The following TIAM2 variants were observed in gnomAD, a reference collection of about 807,000 sequenced individuals.
TIAM2 encodes the protein rho guanine nucleotide exchange factor TIAM2.
TIAM2 carries 80 observed loss-of-function variants against 152.9 expected under a neutral mutation model. That is an observed-to-expected ratio of 0.52 (90% CI 0.44 to 0.63). The LOEUF is 0.63. TIAM2 is among the 30% of genes least tolerant of loss of function. The pLI is 0.00. For missense variants in TIAM2, 1,965 were observed against 2,120.1 expected (o/e 0.93, Z 1.44); for synonymous variants, 804 against 838.0 (o/e 0.96, Z 0.70).
intron 1 of TIAM2, among the ~76,000 whole-genome samples, chr6:155,086,419 G>C (rs529145332): frequency 6.6e-6 from 1 of 152,206 alleles, no homozygotes; most frequent in South Asian, 2.1e-4. Context: ...AAAATGACCT[G>C]TAGTTGGCCG....
chr6:155,211,334 C>G (rs1447278291), intron 15 of TIAM2, 27 bp downstream of exon 15: 4 of 1,597,768 alleles, frequency 2.5e-6, no homozygotes, highest in Non-Finnish European at 3.4e-6. Context: ...AATCGCAAAC[C>G]AAGAACCAGG....
At position 155,213,432 on chromosome 6, in the gene TIAM2, A is replaced by G. The variant is rs1017894085; in HGVS notation, c.3168+2125A>G. Among the ~76,000 whole-genome samples, 1 of 152,138 alleles carries G rather than the reference A, an allele frequency of 6.6e-6. No homozygotes were observed. The highest frequency in any genetic ancestry group is 2.4e-5 in the African/African-American group (1 of 41,432). On this transcript the variant is annotated intron_variant, in intron 15 of 26. Coordinates refer to ENST00000682666, the MANE Select transcript of TIAM2 (RefSeq NM_012454.4). The surrounding 1 kb of genome is among the most constrained non-coding windows in gnomAD (Gnocchi z 4.2). Reference sequence around the variant, plus strand: ...GCTTTAAGCAGAGAGGAGACCCTGGAGTAGCTCCTCTCCTCAGCTGGTTGT... The same window carrying G: ...GCTTTAAGCAGAGAGGAGACCCTGGGGTAGCTCCTCTCCTCAGCTGGTTGT...
intron 4 of TIAM2, among the ~76,000 whole-genome samples, chr6:155,134,857 C>T (rs558497750): frequency 3.3e-5 from 5 of 152,052 alleles, no homozygotes; most frequent in Non-Finnish European, 5.9e-5. Flanking sequence ...AGGCATGTGC[C>T]GCCGCACCTG....
intron 14 of TIAM2, among the ~76,000 whole-genome samples, chr6:155,189,452 G>A (rs1781135696): frequency 6.6e-6 from 1 of 152,166 alleles, no homozygotes. Flanking sequence ...TGTCTGTGCT[G>A]AAGATCGGTT....
intron 14 of TIAM2, among the ~76,000 whole-genome samples, chr6:155,208,046 G>A (rs879315385): frequency 5.9e-5 from 9 of 152,068 alleles, no homozygotes; most frequent in South Asian, 2.1e-4. Flanking sequence ...TTCTTGGTGG[G>A]ACTCAAGGTC....
rs73795313 is a variant in TIAM2, at chr6:155,156,745, C to A, written c.2029-7670C>A. Among the ~76,000 whole-genome samples the A allele has an allele frequency of 0.044, 6,649 of 152,290 alleles. 207 individuals carry two copies. Among genetic ancestry groups the A allele is most frequent in the African/African-American group, 0.087 (3,609 of 41,542 alleles). On this transcript the variant is annotated intron_variant, in intron 7 of 26. Transcript: ENST00000682666. The surrounding 1 kb of genome is among the most constrained non-coding windows in gnomAD (Gnocchi z 4.4). Reference sequence around the variant, plus strand: ...TAAAGTCCCTGATAACCTCTCCCCACCTTGACCTTTATCTGCAACTCCCTG... The same window carrying A: ...TAAAGTCCCTGATAACCTCTCCCCAACTTGACCTTTATCTGCAACTCCCTG...
At chr6:155,170,096 C>T (rs1036014549) in intron 9 of TIAM2, among the ~76,000 whole-genome samples, 2 of 152,126 alleles carry the variant, frequency 1.3e-5, no homozygotes, top group Non-Finnish European at 2.9e-5. Flanking sequence ...AGATTACAGG[C>T]GTGAGCCACT....
chr6:155,029,490 G>GTATATATAATATATAC (rs1776765207), intron 1 of TIAM2, among the ~76,000 whole-genome samples: 1 of 31,180 alleles, frequency 3.2e-5, no homozygotes, highest in Non-Finnish European at 5.7e-5. Context: ...ATATACTATA[G>GTATATATAATATATAC]TATATATTAT....
chr6:155,015,944 CAAAAAAAA>C (rs3081689), intron 1 of TIAM2, among the ~76,000 whole-genome samples: 1 of 61,762 alleles, frequency 1.6e-5, no homozygotes, highest in Non-Finnish European at 3.7e-5. Flanking sequence ...TTCAAAAAAC[CAAAAAAAA>C]AAAAAAAAAA....
At chr6:155,017,693 C>T (rs1157992627) in intron 1 of TIAM2, among the ~76,000 whole-genome samples, 10 of 151,774 alleles carry the variant, frequency 6.6e-5, no homozygotes, top group African/African-American at 1.9e-4. Context: ...TTTGTAGAAA[C>T]GGGGTTTCAC....
At chr6:155,110,000 A>G (rs1778797808) in intron 2 of TIAM2, among the ~76,000 whole-genome samples, 1 of 145,546 alleles carries the variant, frequency 6.9e-6, no homozygotes, top group Non-Finnish European at 1.5e-5. Context: ...CCCAGGCTGG[A>G]GTGCAGTGGT....
rs1214098051 is a variant in TIAM2, at chr6:155,256,863, T to C, written c.4848T>C (p.Gly1616=). The C allele has an allele frequency of 6.2e-7, 1 of 1,614,010 alleles. No individual in the cohort carries two copies. The highest frequency in any genetic ancestry group is 8.5e-7 in the Non-Finnish European group (1 of 1,180,004). Residue 1616 remains glycine, a synonymous_variant, in exon 27 of 27, where the codon GGT becomes GGC. Coordinates refer to ENST00000682666, the MANE Select transcript of TIAM2 (RefSeq NM_012454.4). ...AGCAGCAGCCTGGCCCGGAGTCGGG[T>C]GAGGGTCAGAAAGGAGGAGAGCAGC... ...EAEQQPGPES[G]EGQKGGEQPK...
intron 1 of TIAM2, among the ~76,000 whole-genome samples, chr6:155,024,917 A>G (rs934062717): frequency 3.9e-5 from 6 of 152,242 alleles, no homozygotes; most frequent in African/African-American, 1.4e-4. Flanking sequence ...GAAGGGAGAA[A>G]TCCAGAAAAC....
intron 2 of TIAM2, among the ~76,000 whole-genome samples, chr6:155,098,757 A>G (rs1353837019): frequency 2.0e-5 from 3 of 152,252 alleles, no homozygotes; most frequent in Non-Finnish European, 4.4e-5. Flanking sequence ...AATGGAAAAG[A>G]ACAACTTTTA....
At position 154,995,546 on chromosome 6, in the gene TIAM2, G is replaced by C. The variant is rs1778197707; in HGVS notation, c.-209+54G>C. 1 of 151,280 alleles carries C rather than the reference G, an allele frequency of 6.6e-6. No homozygotes were observed. Among genetic ancestry groups the C allele is most frequent in the African/African-American group, 2.4e-5 (1 of 41,246 alleles). 9.4% of individuals were successfully genotyped at this position (151,280 alleles called of 1,614,324 possible). On this transcript the variant is annotated intron_variant, in intron 1 of 26. Transcript: ENST00000682666. This position sits in a 1 kb window ranked among gnomAD's most constrained non-coding sequence, Gnocchi z 5.2. ...AGGGCGACGACCCGCGCTGGTTGGC[G>C]GCGGCTCCAGGTCCCCTGCGGGCGG...
rs1777257225 is a variant in TIAM2, at chr6:155,048,677, G to A, written c.-208-41612G>A. On this transcript the variant is annotated intron_variant, in intron 1 of 26. Transcript: ENST00000682666. ...ACTCGGGAGGCCGCATTAGGACTGT[G>A]GGAGAATTTGGTTTGAAATATTCCA... Among the ~76,000 whole-genome samples, 3 of 152,160 alleles carry A rather than the reference G, an allele frequency of 2.0e-5. No individual in the cohort carries two copies. In the South Asian group the frequency reaches 6.2e-4, roughly 32 times the overall value.
chr6:155,054,378 CT>C (rs1172960688), intron 1 of TIAM2, among the ~76,000 whole-genome samples: 1 of 152,070 alleles, frequency 6.6e-6, no homozygotes, highest in Non-Finnish European at 1.5e-5. Flanking sequence ...ATGAAAGCTG[CT>C]TTTTAAAGCA....
chr6:155,149,675 C>T (rs575323828), intron 7 of TIAM2, among the ~76,000 whole-genome samples: 2 of 152,070 alleles, frequency 1.3e-5, no homozygotes, highest in African/African-American at 4.8e-5. Context: ...ATAATCCCGG[C>T]GCTTTGGGAG....
rs192328826 is a variant in TIAM2, at chr6:155,058,871, A to G, written c.-208-31418A>G. On this transcript the variant is annotated intron_variant, in intron 1 of 26. Transcript: ENST00000682666. ...GATAGTTAGGAATATACAATATGAT[A>G]CTAAGTGATAAATGCTATGATAGAA... is the stretch of plus-strand genomic sequence containing the variant. 1.8e-3 allele frequency among the ~76,000 whole-genome samples: 268 copies of G among 152,326 alleles called. 3 individuals carry two copies. Among genetic ancestry groups the G allele is most frequent in the Non-Finnish European group, 3.5e-4 (24 of 68,032 alleles).
Sources: allele counts gnomAD v4.1 joint callset (sites outside exome capture counted in the v4.1 genomes callset), GRCh38; gene constraint gnomAD v4.1.1; non-coding constraint Gnocchi (gnomAD v3.1); transcripts MANE v1.5; gene names NCBI Gene and HGNC (gene_info 2026-07-23, HGNC 2026-07-21).